Variants in ARHGEF26 observed in about 807,000 individuals in gnomAD.
ARHGEF26 encodes the protein Rho guanine nucleotide exchange factor 26.
Under a neutral mutation model 89.4 loss-of-function variants are expected in ARHGEF26, and 59 were observed. That is an observed-to-expected ratio of 0.66 (90% CI 0.54 to 0.82). The LOEUF (loss-of-function observed/expected upper bound fraction) is 0.82. ARHGEF26 is among the 40% of genes least tolerant of loss of function. The pLI is 0.00. For synonymous variants in ARHGEF26, 500 were observed against 428.4 expected, an observed-to-expected ratio of 1.17 and a Z score of -2.06; for missense variants, 1,234 against 1,085.6, an observed-to-expected ratio of 1.14 and a Z score of -1.92.
At chr3:154,244,080 T>C (rs1252123931) in intron 12 of ARHGEF26, among the ~76,000 whole-genome samples, 1 of 152,174 alleles carries the variant, frequency 6.6e-6, no homozygotes. Flanking sequence ...GGCAATCTAG[T>C]TGAAAAAACA....
chr3:154,232,869 C>G (rs528965215), intron 11 of ARHGEF26, among the ~76,000 whole-genome samples: 68 of 151,648 alleles, frequency 4.5e-4, no homozygotes, highest in Admixed American at 8.5e-4. Context: ...ACGGAGTCAC[C>G]CAGGCTGGAG....
chr3:154,255,278 C>T, intron 14 of ARHGEF26, 53 bp from the exon 15 acceptor site: 1 of 1,566,174 alleles, frequency 6.4e-7, no homozygotes, highest in Admixed American at 1.7e-5. Context: ...TCCTTGGAGC[C>T]TGGCACACTC....
chr3:154,188,178 G>A (rs1164887651), intron 7 of ARHGEF26, among the ~76,000 whole-genome samples: 1 of 152,138 alleles, frequency 6.6e-6, no homozygotes, highest in Non-Finnish European at 1.5e-5. Flanking sequence ...TTTTCCTGAG[G>A]CTTAGAGGGG....
At chr3:154,226,496 C>A (rs1716494896) in intron 11 of ARHGEF26, among the ~76,000 whole-genome samples, 2 of 152,278 alleles carry the variant, frequency 1.3e-5, no homozygotes, top group South Asian at 4.1e-4. Flanking sequence ...AGCCATACTC[C>A]CTTCTGAAGG....
At chr3:154,254,531 A>G (rs1718359969) in intron 13 of ARHGEF26, among the ~76,000 whole-genome samples, 189 bp from the exon 14 acceptor site, 1 of 152,190 alleles carries the variant, frequency 6.6e-6, no homozygotes, top group African/African-American at 2.4e-5. Flanking sequence ...CTGAGCTTCT[A>G]AAATTCTAAA....
At chr3:154,196,689 C>T (rs962464455) in intron 9 of ARHGEF26, among the ~76,000 whole-genome samples, 1 of 152,016 alleles carries the variant, frequency 6.6e-6, no homozygotes, top group East Asian at 1.9e-4. Flanking sequence ...GTAAAGAAAG[C>T]CTGACAAGTG....
At chr3:154,134,093 G>A (rs536204332) in intron 4 of ARHGEF26, among the ~76,000 whole-genome samples, 20 of 152,162 alleles carry the variant, frequency 1.3e-4, no homozygotes, top group Middle Eastern at 3.4e-3. Flanking sequence ...GAAGCTTTCC[G>A]GCTGAGACTA....
intron 6 of ARHGEF26, among the ~76,000 whole-genome samples, chr3:154,161,539 T>C (rs1711664851): frequency 6.6e-6 from 1 of 152,206 alleles, no homozygotes; most frequent in South Asian, 2.1e-4. Flanking sequence ...TCTGGTATTC[T>C]GAAATGTCTC....
chr3:154,203,003 C>T (rs1223657227), intron 9 of ARHGEF26, among the ~76,000 whole-genome samples: 1 of 152,102 alleles, frequency 6.6e-6, no homozygotes, highest in Non-Finnish European at 1.5e-5. Flanking sequence ...CTTCTCCTGC[C>T]TGATTGCCCT....
At chr3:154,209,037 G>A in intron 9 of ARHGEF26, among the ~76,000 whole-genome samples, 1 of 152,022 alleles carries the variant, frequency 6.6e-6, no homozygotes, top group East Asian at 1.9e-4. Context: ...AAAATGCTGG[G>A]ATTACAGGCG....
chr3:154,219,840 G>A (rs926524479), intron 10 of ARHGEF26, among the ~76,000 whole-genome samples: 2 of 151,690 alleles, frequency 1.3e-5, no homozygotes, highest in Non-Finnish European at 2.9e-5. Flanking sequence ...CATGAACCCG[G>A]GAGGCGGAGC....
chr3:154,195,909 A>G (rs1375877091), intron 9 of ARHGEF26, among the ~76,000 whole-genome samples: 1 of 152,160 alleles, frequency 6.6e-6, no homozygotes, highest in African/African-American at 2.4e-5. Context: ...ATTAGGGAAA[A>G]TGAGCCAGTG....
chr3:154,168,061 A>G (rs1239379576), intron 6 of ARHGEF26, among the ~76,000 whole-genome samples: 1 of 152,106 alleles, frequency 6.6e-6, no homozygotes, highest in Non-Finnish European at 1.5e-5. Context: ...GCATGAGCTT[A>G]TTTTACTCTT....
chr3:154,223,293 G>C (rs946732108), intron 10 of ARHGEF26, among the ~76,000 whole-genome samples: 11 of 152,050 alleles, frequency 7.2e-5, no homozygotes, highest in African/African-American at 2.7e-4. Flanking sequence ...CAGTTTGTTA[G>C]TTTCCCAAAA....
rs1321780358 is a variant in ARHGEF26 at position 154,256,804 on chromosome 3, A to AACTT, written c.*1332_*1335dup. ...TCATTCTATTTGCACTAAAAGCCTTAACTTGCTGTATTCAGAGTCCCTCTT... is the reference window on the plus strand; with the variant it reads ...TCATTCTATTTGCACTAAAAGCCTTAACTTACTTGCTGTATTCAGAGTCCCTCTT... On this transcript the variant is annotated 3_prime_UTR_variant, in exon 15 of 15. Transcript: ENST00000465093. 3 of 1,503,662 alleles carry AACTT rather than the reference A, an allele frequency of 2.0e-6. No homozygotes were observed. In the East Asian group the frequency reaches 7.5e-5, roughly 38 times the overall value. The allele number at this position is 1,503,662 out of a possible 1,614,324, so 93.1% of individuals were successfully genotyped here.
chr3:154,241,700 G>C (rs751293342), intron 12 of ARHGEF26, among the ~76,000 whole-genome samples: 16 of 152,198 alleles, frequency 1.1e-4, no homozygotes, highest in Admixed American at 5.2e-4. Context: ...CATAGCCATA[G>C]GGCAGGATGG....
At chr3:154,193,594 T>A (rs1349159585) in intron 8 of ARHGEF26, among the ~76,000 whole-genome samples, 1 of 152,200 alleles carries the variant, frequency 6.6e-6, no homozygotes, top group Non-Finnish European at 1.5e-5. Context: ...GTATTTAAAA[T>A]AGTGTCTCTT....
intron 6 of ARHGEF26, among the ~76,000 whole-genome samples, chr3:154,181,533 C>A (rs1713183188): frequency 6.6e-6 from 1 of 152,304 alleles, no homozygotes; most frequent in Middle Eastern, 3.4e-3. Flanking sequence ...TTGATTATAA[C>A]CAGAGCTCCT....
chr3:154,140,495 G>A (rs1476722604), intron 4 of ARHGEF26, among the ~76,000 whole-genome samples: 2 of 151,930 alleles, frequency 1.3e-5, no homozygotes, highest in Non-Finnish European at 2.9e-5. Context: ...TCTGACTTGG[G>A]CTTTTTTTTC....
Sources: allele counts gnomAD v4.1 joint callset (sites outside exome capture counted in the v4.1 genomes callset), GRCh38; gene constraint gnomAD v4.1.1; transcripts MANE v1.5; gene names NCBI Gene and HGNC (gene_info 2026-07-23, HGNC 2026-07-21).